GPC6: variants seen among roughly 807,000 people sequenced by gnomAD.
GPC6 encodes the protein glypican 6.
GPC6 carries 14 observed loss-of-function variants against 55.2 expected under a neutral mutation model. The observed-to-expected ratio is 0.25, with a 90% confidence interval of 0.17 to 0.40. GPC6 has a LOEUF of 0.40. GPC6 is among the 10% of genes least tolerant of loss of function. GPC6 has a pLI of 1.00. For missense variants in GPC6, 641 were observed against 708.5 expected (o/e 0.90, Z 1.08); for synonymous variants, 278 against 259.6 (o/e 1.07, Z -0.68).
intron 3 of GPC6, among the ~76,000 whole-genome samples, chr13:93,839,513 G>C (rs1169151590): frequency 1.3e-5 from 2 of 151,982 alleles, no homozygotes; most frequent in Admixed American, 1.3e-4. Flanking sequence ...CATTTATTCT[G>C]TTTATGTGGT....
At chr13:93,327,298 T>C (rs1425189119) in intron 1 of GPC6, among the ~76,000 whole-genome samples, 1 of 152,204 alleles carries the variant, frequency 6.6e-6, no homozygotes. Context: ...TTTTCCAGTG[T>C]GGTTATTTCT....
intron 2 of GPC6, among the ~76,000 whole-genome samples, chr13:93,625,729 C>G (rs912829821): frequency 2.6e-5 from 4 of 152,208 alleles, no homozygotes; most frequent in Non-Finnish European, 5.9e-5. Flanking sequence ...AAAGGACAAT[C>G]AGAACAGCCA....
At chr13:93,889,551 C>T (rs147010131) in intron 3 of GPC6, among the ~76,000 whole-genome samples, 3 of 151,974 alleles carry the variant, frequency 2.0e-5, no homozygotes, top group African/African-American at 7.3e-5. Context: ...ATGGGTTTTC[C>T]CCCATTTATA....
At chr13:93,342,920 C>T (rs967344636) in intron 1 of GPC6, among the ~76,000 whole-genome samples, 1 of 152,106 alleles carries the variant, frequency 6.6e-6, no homozygotes, top group African/African-American at 2.4e-5. Context: ...GGAAGTACAA[C>T]CACACAGGAA....
At chr13:93,909,183 T>C (rs1876830791) in intron 3 of GPC6, among the ~76,000 whole-genome samples, 9 of 152,184 alleles carry the variant, frequency 5.9e-5, no homozygotes, top group Admixed American at 5.9e-4. Flanking sequence ...TGGCAAAATA[T>C]ACAGGTACGG....
chr13:93,550,429 A>C (rs1019105450), intron 2 of GPC6, among the ~76,000 whole-genome samples: 1 of 152,142 alleles, frequency 6.6e-6, no homozygotes, highest in Non-Finnish European at 1.5e-5. Context: ...AATGATATAC[A>C]TATGTCCAGA....
At chr13:93,507,177 A>C (rs1208660032) in intron 1 of GPC6, among the ~76,000 whole-genome samples, 1 of 151,646 alleles carries the variant, frequency 6.6e-6, no homozygotes, top group Non-Finnish European at 1.5e-5. Context: ...ACAGGAAAGT[A>C]GGAAAGTGGA....
chr13:93,587,667 C>G (rs1218078616), intron 2 of GPC6, among the ~76,000 whole-genome samples: 4 of 152,056 alleles, frequency 2.6e-5, no homozygotes, highest in Admixed American at 6.6e-5. Flanking sequence ...GAGTCCTGCT[C>G]TCAGTACTCG....
intron 7 of GPC6, among the ~76,000 whole-genome samples, chr13:94,384,366 T>G (rs889582140): frequency 5.9e-5 from 9 of 152,206 alleles, no homozygotes; most frequent in African/African-American, 2.2e-4. Context: ...AAAGACACTG[T>G]GAAGAATGGC....
intron 2 of GPC6, among the ~76,000 whole-genome samples, chr13:93,733,289 A>G (rs968178384): frequency 6.6e-6 from 1 of 152,066 alleles, no homozygotes; most frequent in Non-Finnish European, 1.5e-5. Context: ...TATTTTAATT[A>G]TATTTTTACC....
At chr13:93,243,960 C>G (rs752688281) in intron 1 of GPC6, among the ~76,000 whole-genome samples, 2 of 151,690 alleles carry the variant, frequency 1.3e-5, no homozygotes, top group Non-Finnish European at 2.9e-5. Flanking sequence ...TGGGCAGGGC[C>G]GTGGAACTCC....
At chr13:93,874,284 A>G (rs1210027156) in intron 3 of GPC6, among the ~76,000 whole-genome samples, 1 of 151,842 alleles carries the variant, frequency 6.6e-6, no homozygotes, top group Non-Finnish European at 1.5e-5. Flanking sequence ...CCCACTTATA[A>G]GTGAGAACAT....
rs1053760194 is a variant in GPC6, at chr13:93,304,054, G to A, written c.160+76438G>A. 3.3e-5 allele frequency among the ~76,000 whole-genome samples: 5 copies of A among 151,924 alleles called. No homozygotes were observed. The South Asian group carries it at 1.0e-3, about 32-fold the overall frequency. Reference sequence around the variant, plus strand: ...TGGCTAATTTTTGTATTTTAGTAGAGACGGGATTTCACCATGTTGGCCAGG... The same window carrying A: ...TGGCTAATTTTTGTATTTTAGTAGAAACGGGATTTCACCATGTTGGCCAGG... On this transcript the variant is annotated intron_variant, in intron 1 of 8. Transcript: ENST00000377047.
In GPC6 at chr13:93,376,887, G is replaced by A. The variant is rs202132312; in HGVS notation, c.160+149271G>A. 2.0e-5 allele frequency among the ~76,000 whole-genome samples: 3 copies of A among 150,414 alleles called. No homozygotes were observed. In the East Asian group the frequency reaches 5.8e-4, roughly 29 times the overall value. On this transcript the variant is annotated intron_variant, in intron 1 of 8. Transcript: ENST00000377047. ...GTCATGTGCACAGCTATTATTTTCTGCTTCATTCGTGAATGCTTATATTAG... is the reference window on the plus strand; with the variant it reads ...GTCATGTGCACAGCTATTATTTTCTACTTCATTCGTGAATGCTTATATTAG...
intron 2 of GPC6, among the ~76,000 whole-genome samples, chr13:93,700,432 T>C (rs1882628373): frequency 6.6e-6 from 1 of 152,056 alleles, no homozygotes; most frequent in Non-Finnish European, 1.5e-5. Context: ...CTGGTGTGTT[T>C]CTCTCCTTTA....
intron 4 of GPC6, among the ~76,000 whole-genome samples, chr13:94,231,375 A>C (rs751096694): frequency 3.3e-5 from 5 of 152,178 alleles, no homozygotes; most frequent in African/African-American, 4.8e-5. Context: ...TGGCCTTGGC[A>C]CTGTTTCTGA....
intron 4 of GPC6, among the ~76,000 whole-genome samples, chr13:94,104,266 A>G (rs986927022): frequency 6.6e-6 from 1 of 152,190 alleles, no homozygotes. Context: ...TACCAGTACC[A>G]TGCTGTTTTG....
chr13:93,967,263 C>T (rs1647899416), intron 3 of GPC6, among the ~76,000 whole-genome samples: 1 of 152,132 alleles, frequency 6.6e-6, no homozygotes, highest in African/African-American at 2.4e-5. Flanking sequence ...TTATAATCCA[C>T]TGGTGAAGAC....
intron 2 of GPC6, among the ~76,000 whole-genome samples, chr13:93,573,129 T>C (rs1305212885): frequency 6.6e-6 from 1 of 152,082 alleles, no homozygotes; most frequent in African/African-American, 2.4e-5. Flanking sequence ...ACTTGAGATA[T>C]TTATCAGTGG....
Sources: gnomAD v4.1 joint callset for allele counts (sites outside exome capture counted in the v4.1 genomes callset) on GRCh38, gnomAD v4.1.1 for gene constraint, MANE v1.5 for transcripts, NCBI Gene and HGNC (gene_info 2026-07-23, HGNC 2026-07-21) for gene names.